ZNF160: variants seen among roughly 807,000 people sequenced by gnomAD.
ZNF160 encodes the protein zinc finger protein 160.
A neutral mutation model predicts 13.1 loss-of-function variants in ZNF160; 9 were observed. The ratio of observed to expected loss-of-function variants is 0.69; its 90% CI spans 0.41 to 1.20. ZNF160 has a LOEUF of 1.20. Ranked by LOEUF, ZNF160 falls within the 50% of genes most tolerant of loss-of-function variation. The probability of loss-of-function intolerance (pLI) is 0.01; values close to 1 mark genes in which losing one functional copy is unlikely to be tolerated. For missense variants in ZNF160, 838 were observed against 988.0 expected (o/e 0.85, Z 2.04); for synonymous variants, 293 against 333.2 (o/e 0.88, Z 1.31).
chr19:53,075,267 G>C, intron 3 of ZNF160, 84 bp from the exon 4 acceptor site: 1 of 1,547,718 alleles, frequency 6.5e-7, no homozygotes. Context: ...AAAAATGTGA[G>C]AATAGGTTAA....
chr19:53,098,146 C>A (rs2085305217), intron 1 of ZNF160, among the ~76,000 whole-genome samples: 1 of 152,190 alleles, frequency 6.6e-6, no homozygotes, highest in Admixed American at 6.5e-5. Flanking sequence ...CCACAACCAC[C>A]CCAAAACCCA....
At chr19:53,088,776 GT>G (rs1462442579) in intron 2 of ZNF160, among the ~76,000 whole-genome samples, 1 of 152,068 alleles carries the variant, frequency 6.6e-6, no homozygotes, top group Non-Finnish European at 1.5e-5. Flanking sequence ...GTGTGTCATT[GT>G]CCCCACAATG....
At chr19:53,075,345 C>CT in intron 3 of ZNF160, 162 bp from the exon 4 acceptor site, 1 of 803,038 alleles carries the variant, frequency 1.2e-6, no homozygotes, top group Non-Finnish European at 2.0e-6. Context: ...CTTCATCCCC[C>CT]TCTCCTGACA....
intron 5 of ZNF160, among the ~76,000 whole-genome samples, chr19:53,073,846 C>T (rs2084276730): frequency 1.3e-5 from 2 of 152,138 alleles, no homozygotes; most frequent in South Asian, 4.1e-4. Context: ...AGTGCAGTGG[C>T]ATGATCTTGG....
At position 53,070,244 on chromosome 19, in the gene ZNF160, G is replaced by A; in HGVS notation, c.290C>T (p.Thr97Ile). ...GVVTDIPPKC[T>I]IKDLLPKEKS... is the part of the protein sequence containing the mutation. ...CTCTTTTGGTAGCAAATCCTTGATTGTACATTTAGGAGGGATATCTACAAG... is the reference window on the plus strand; with the variant it reads ...CTCTTTTGGTAGCAAATCCTTGATTATACATTTAGGAGGGATATCTACAAG... Residue 97 changes from threonine (T) to isoleucine (I), a missense_variant, in exon 6 of 6, where the codon ACA becomes ATA. Transcript: ENST00000683776. 4 of 1,600,210 alleles carry A rather than the reference G, an allele frequency of 2.5e-6. No homozygotes were observed. Among genetic ancestry groups the A allele is most frequent in the African/African-American group, 1.3e-5 (1 of 74,386 alleles).
rs549872374 is a variant in ZNF160, at chr19:53,071,608, A to C, written c.272-1346T>G. ...AGCCCAAGAGTTCAAGGTTACAGTG[A>C]GCTATGATTGTACCACTGCACTACA... On this transcript the variant is annotated intron_variant, in intron 5 of 5. Transcript: ENST00000683776. Among the ~76,000 whole-genome samples, 57 of 151,318 alleles carry C rather than the reference A, an allele frequency of 3.8e-4. No individual in the cohort carries two copies. The South Asian group carries it at 0.011, about 28-fold the overall frequency.
chr19:53,095,454 C>G (rs998894407), intron 1 of ZNF160: 2 of 151,950 alleles, frequency 1.3e-5, no homozygotes, highest in Non-Finnish European at 2.9e-5. Context: ...TCCCCAGGTG[C>G]GCTCATGGGA....
intron 2 of ZNF160, among the ~76,000 whole-genome samples, chr19:53,088,817 G>A (rs1301769136): frequency 6.6e-6 from 1 of 152,100 alleles, no homozygotes; most frequent in African/African-American, 2.4e-5. Context: ...CCCAGGTAGG[G>A]AGTCCTGCTG....
intron 2 of ZNF160, chr19:53,091,069 G>A (rs980259926): frequency 1.3e-5 from 2 of 152,190 alleles, no homozygotes; most frequent in African/African-American, 2.4e-5. Flanking sequence ...CCGGAGTGAC[G>A]GCTCATGCCT....
chr19:53,094,338 C>A (rs1178130978), intron 1 of ZNF160, among the ~76,000 whole-genome samples: 3 of 152,120 alleles, frequency 2.0e-5, no homozygotes, highest in Admixed American at 1.3e-4. Flanking sequence ...AAACGATGTT[C>A]CGATCGTTGT....
rs1186420042 is a variant in ZNF160, at chr19:53,070,020, T to C, written c.514A>G (p.Ile172Val). Reference sequence around the variant, plus strand: ...TGATTGTTCATAAGCTTGTTTTCTATGTCTCTTCTGTCGCGTTGATCTCTT... The same window carrying C: ...TGATTGTTCATAAGCTTGTTTTCTACGTCTCTTCTGTCGCGTTGATCTCTT... ...GKRDQRDRRD[I>V]ENKLMNNQLG... Residue 172 changes from isoleucine to valine, a missense_variant, in exon 6 of 6, where the codon ATA becomes GTA. Around this residue, in one of 3 missense-constraint regions of ZNF160, gnomAD observed 387 missense variants for 402.3 expected, o/e 0.96. Coordinates refer to ENST00000683776, the MANE Select transcript of ZNF160 (RefSeq NM_001322131.2). 2 of 1,614,046 alleles carry C rather than the reference T, an allele frequency of 1.2e-6. No homozygotes were observed. The highest frequency in any genetic ancestry group is 1.3e-5 in the African/African-American group (1 of 75,050).
intron 1 of ZNF160, among the ~76,000 whole-genome samples, chr19:53,094,989 A>G (rs1160106670): frequency 2.8e-5 from 4 of 140,582 alleles, no homozygotes; most frequent in Non-Finnish European, 4.6e-5. Context: ...GCCCTCTTCC[A>G]GCCCTTTCCC....
intron 2 of ZNF160, among the ~76,000 whole-genome samples, chr19:53,090,374 T>C (rs977756585): frequency 2.6e-5 from 4 of 152,188 alleles, no homozygotes; most frequent in Non-Finnish European, 4.4e-5. Flanking sequence ...TCTCAGTGTC[T>C]GTCTGCAAAT....
At position 53,068,045 on chromosome 19, in the gene ZNF160, G is replaced by T. The variant is rs1181423521; in HGVS notation, c.*32C>A. The stretch of plus-strand genomic sequence containing the variant: ...AAGAATGAAATTAACTGATGTGAAA[G>T]GAGTGAATTGTACCTAATGACCTCA... On this transcript the variant is annotated 3_prime_UTR_variant, in exon 6 of 6. Transcript: ENST00000683776. 6.4e-7 allele frequency: 1 copy of T among 1,553,746 alleles called. No homozygotes were observed. The highest frequency in any genetic ancestry group is 2.3e-5 in the East Asian group (1 of 44,356).
intron 5 of ZNF160, among the ~76,000 whole-genome samples, chr19:53,070,604 C>T (rs909831057): frequency 2.0e-5 from 3 of 152,012 alleles, no homozygotes; most frequent in Non-Finnish European, 4.4e-5. Flanking sequence ...TTAGTAGAGA[C>T]GGGGTTTCAC....
chr19:53,079,250 A>G (rs1284612359), intron 3 of ZNF160, among the ~76,000 whole-genome samples: 1 of 152,116 alleles, frequency 6.6e-6, no homozygotes, highest in East Asian at 1.9e-4. Context: ...AACATAGTTC[A>G]TGATAAAAAT....
Position 53,075,069 on chromosome 19 carries a change from G to A in ZNF160, c.130C>T (p.Leu44Phe). ...AAGTCATCCTCACCCAGAGAAACAA[G>A]GTTCCAGTAGTTCTCCAACATCACG... ...RDVMLENYWN[L>F]VSLGLCHFDM... Residue 44 changes from leucine to phenylalanine, a missense_variant, in exon 4 of 6, where the codon CTT (leucine) becomes TTT (phenylalanine). Around this residue, in one of 3 missense-constraint regions of ZNF160, gnomAD observed 387 missense variants for 402.3 expected, o/e 0.96. Coordinates refer to ENST00000683776, the MANE Select transcript of ZNF160 (RefSeq NM_001322131.2). 1 of 1,614,088 alleles carries A rather than the reference G, an allele frequency of 6.2e-7. No homozygotes were observed. The highest frequency in any genetic ancestry group is 1.3e-5 in the African/African-American group (1 of 75,036).
At chr19:53,088,919 G>A (rs976655295) in intron 2 of ZNF160, among the ~76,000 whole-genome samples, 16 of 152,198 alleles carry the variant, frequency 1.1e-4, no homozygotes, top group African/African-American at 3.6e-4. Flanking sequence ...TTCATATGCT[G>A]TACGCTCTGA....
chr19:53,083,951 T>C (rs977663041), intron 3 of ZNF160, among the ~76,000 whole-genome samples: 1 of 152,142 alleles, frequency 6.6e-6, no homozygotes, highest in Non-Finnish European at 1.5e-5. Flanking sequence ...CATTTTCCCC[T>C]GTTCCCTACT....
Sources: allele counts gnomAD v4.1 joint callset (sites outside exome capture counted in the v4.1 genomes callset), GRCh38; gene constraint gnomAD v4.1.1; regional missense constraint gnomAD v4.1.1; transcripts MANE v1.5; gene names NCBI Gene and HGNC (gene_info 2026-07-23, HGNC 2026-07-21).